Variants in CLIP3 observed in about 807,000 individuals in gnomAD.
The protein encoded by CLIP3 is CAP-Gly domain-containing linker protein 3.
CLIP3 carries 15 observed loss-of-function variants against 59.4 expected under a neutral mutation model. That is an observed-to-expected ratio of 0.25 (90% CI 0.17 to 0.39). The LOEUF is 0.39. Ranked by LOEUF, CLIP3 falls within the 10% of genes least tolerant of loss-of-function variation. The probability of loss-of-function intolerance (pLI) is 1.00; values close to 1 mark genes in which losing one functional copy is unlikely to be tolerated. For synonymous variants in CLIP3, 300 were observed against 321.6 expected, an observed-to-expected ratio of 0.93 and a Z score of 0.72; for missense variants, 495 against 765.7, an observed-to-expected ratio of 0.65 and a Z score of 4.17.
chr19:36,024,518 C>T lies in CLIP3; in HGVS notation c.796G>A (p.Val266Met). The part of the protein sequence containing the change: ...KELRTLLEEA[V>M]PLSCALPKVT... ...TTGGGGAGGGCGCAAGATAGTGGCA[C>T]TGCCTCTTCCAGAAGCGTCCGCAGC... Residue 266 changes from valine (V) to methionine (M), a missense_variant, in exon 7 of 14, where the codon GTG (valine) becomes ATG (methionine). Around this residue, in one of 5 missense-constraint regions of CLIP3, gnomAD observed 194 missense variants for 327.8 expected, o/e 0.59. Coordinates refer to ENST00000360535, the MANE Select transcript of CLIP3 (RefSeq NM_015526.3). The T allele has an allele frequency of 1.2e-6, 2 of 1,614,262 alleles. No homozygotes were observed. Among genetic ancestry groups the T allele is most frequent in the South Asian group, 1.1e-5 (1 of 91,092 alleles).
intron 7 of CLIP3, among the ~76,000 whole-genome samples, chr19:36,019,608 T>A (rs920138944): frequency 7.0e-5 from 8 of 113,922 alleles, no homozygotes; most frequent in African/African-American, 2.1e-4. Context: ...ATTTTATTTA[T>A]TTTTTTTTTT....
intron 2 of CLIP3, among the ~76,000 whole-genome samples, chr19:36,029,508 C>T (rs1969203952): frequency 6.6e-6 from 1 of 151,354 alleles, no homozygotes; most frequent in South Asian, 2.1e-4. Context: ...TGGTCTCGAA[C>T]TCCTGGGCTC....
intron 7 of CLIP3, among the ~76,000 whole-genome samples, chr19:36,023,962 G>A (rs1969020977): frequency 6.6e-6 from 1 of 152,106 alleles, no homozygotes; most frequent in African/African-American, 2.4e-5. Flanking sequence ...TCCCTGGCTT[G>A]CTCCTCCACA....
chr19:36,024,366 A>C, intron 7 of CLIP3, 30 bp downstream of exon 7: 340 of 1,449,516 alleles, frequency 2.3e-4, no homozygotes, highest in Non-Finnish European at 2.9e-4. Flanking sequence ...ACCCCCACCC[A>C]CCATGCAAAC....
chr19:36,019,415 AC>A, intron 7 of CLIP3, 109 bp from the exon 8 acceptor site: 1 of 1,308,066 alleles, frequency 7.6e-7, no homozygotes, highest in Non-Finnish European at 1.1e-6. Flanking sequence ...CTGGGCCCAA[AC>A]CCCAGGTCAC....
rs1289208687 is a variant in CLIP3 at position 36,016,344 on chromosome 19, T to A, written c.1590-132A>T. The A allele has an allele frequency of 1.7e-5, 16 of 942,084 alleles. No homozygotes were observed. Among genetic ancestry groups the A allele is most frequent in the Non-Finnish European group, 2.5e-5 (15 of 608,710 alleles). 58.4% of individuals were successfully genotyped at this position (942,084 alleles called of 1,614,324 possible). A position where few individuals can be genotyped will look rare whatever the true frequency, so the allele number is the denominator to read the frequency against. On this transcript the variant is annotated intron_variant, in intron 13 of 13. Coordinates refer to ENST00000360535, the MANE Select transcript of CLIP3 (RefSeq NM_015526.3). This position sits in a 1 kb window ranked among gnomAD's most constrained non-coding sequence, Gnocchi z 4.1. ...TCTGCCTCTACCTCTCTGGCTGTGGTTTGTTTGTTTGTTTGTTTTCTGAGA... is the reference window on the plus strand; with the variant it reads ...TCTGCCTCTACCTCTCTGGCTGTGGATTGTTTGTTTGTTTGTTTTCTGAGA...
rs1449353521 is a variant in CLIP3 at position 36,027,197 on chromosome 19, G to A, written c.241C>T (p.Leu81=). The A allele has an allele frequency of 1.2e-6, 2 of 1,613,836 alleles. No homozygotes were observed. The highest frequency in any genetic ancestry group is 2.7e-5 in the African/African-American group (2 of 74,918). ...ACCCACTGGCGCACAATGGCAAACA[G>A]CTCGGGGATGGTGGTCTGAGGGTCA... ...LFDPQTTIPE[L]FAIVRQWVPQ... is the part of the protein sequence containing the mutation. The change falls in exon 3 of 14, where the codon CTG becomes TTG. Residue 81 remains leucine, a synonymous_variant. Transcript: ENST00000360535.
In CLIP3 at chr19:36,023,439, C is replaced by G. The variant is rs150007086; in HGVS notation, c.918+957G>C. The stretch of plus-strand genomic sequence containing the variant: ...AAGTTCTTTCCTATCTCAGTTTGGA[C>G]ATCACCTCCTCAGAGAAGCCTTCTC... On this transcript the variant is annotated intron_variant, in intron 7 of 13. Coordinates refer to ENST00000360535, the MANE Select transcript of CLIP3 (RefSeq NM_015526.3). Among the ~76,000 whole-genome samples, 33 of 152,318 alleles carry G rather than the reference C, an allele frequency of 2.2e-4. No individual in the cohort carries two copies. The East Asian group carries it at 5.6e-3, about 26-fold the overall frequency.
At position 36,019,001 on chromosome 19, in the gene CLIP3, G is replaced by T; in HGVS notation, c.1080C>A (p.Ile360=). 1.3e-6 allele frequency: 2 copies of T among 1,596,212 alleles called. No individual in the cohort carries two copies. Among genetic ancestry groups the T allele is most frequent in the Non-Finnish European group, 1.7e-6 (2 of 1,170,510 alleles). The change falls in exon 9 of 14, where the codon ATC becomes ATA. Residue 360 remains isoleucine (I), a synonymous_variant. Transcript: ENST00000360535. ...KQGLFASVSK[I]SKAVDAPPSS... is the part of the protein sequence containing the mutation. ...AGGGGGGTGCGTCCACTGCCTTGGAGATCTTGGACACGGAGGCAAAGAGAC... is the reference window on the plus strand; with the variant it reads ...AGGGGGGTGCGTCCACTGCCTTGGATATCTTGGACACGGAGGCAAAGAGAC...
chr19:36,022,564 G>A (rs1373886950), intron 7 of CLIP3, among the ~76,000 whole-genome samples: 1 of 152,190 alleles, frequency 6.6e-6, no homozygotes, highest in Non-Finnish European at 1.5e-5. Flanking sequence ...AAAATGGGAA[G>A]AGTCAACCCA....
chr19:36,016,909 G>A lies in CLIP3; in HGVS notation c.1587C>T (p.Ser529=). The A allele has an allele frequency of 6.2e-7, 1 of 1,613,834 alleles. No homozygotes were observed. The highest frequency in any genetic ancestry group is 8.5e-7 in the Non-Finnish European group (1 of 1,179,882). The change falls in exon 13 of 14, where the codon TCC becomes TCT. Residue 529 remains serine (S), a splice_region_variant and synonymous_variant. Transcript: ENST00000360535. The surrounding 1 kb of genome is among the most constrained non-coding windows in gnomAD (Gnocchi z 4.1). ...GGGGACAGGGGTTGGCCACACACCT[G>A]GAAATGGAGTTCTCTGATGCAATGT... The part of the protein sequence containing the change: ...PKDIASENSI[S]RLLFCCWFPW...
At position 36,016,325 on chromosome 19, in the gene CLIP3, T is replaced by C; in HGVS notation, c.1590-113A>G. Reference sequence around the variant, plus strand: ...CTATCAGGCCTTTCTGGATTCTGCCTCTACCTCTCTGGCTGTGGTTTGTTT... The same window carrying C: ...CTATCAGGCCTTTCTGGATTCTGCCCCTACCTCTCTGGCTGTGGTTTGTTT... On this transcript the variant is annotated intron_variant, in intron 13 of 13. Coordinates refer to ENST00000360535, the MANE Select transcript of CLIP3 (RefSeq NM_015526.3). This position sits in a 1 kb window ranked among gnomAD's most constrained non-coding sequence, Gnocchi z 4.1. The C allele has an allele frequency of 8.6e-7, 1 of 1,161,084 alleles. No individual in the cohort carries two copies. Among genetic ancestry groups the C allele is most frequent in the South Asian group, 1.3e-5 (1 of 77,750 alleles). The allele number at this position is 1,161,084 out of a possible 1,614,324, so 71.9% of individuals were successfully genotyped here.
chr19:36,032,460 G>T lies in CLIP3; in HGVS notation c.-58-45C>A. The T allele has an allele frequency of 3.9e-6, 2 of 509,010 alleles. No homozygotes were observed. The highest frequency in any genetic ancestry group is 6.2e-6 in the Non-Finnish European group (2 of 324,488). The allele number at this position is 509,010 out of a possible 1,614,324, so 31.5% of individuals were successfully genotyped here. A position where few individuals can be genotyped will look rare whatever the true frequency, so the allele number is the denominator to read the frequency against. ...GGAGAGGGTGCCCGGCAGGCTCCAG[G>T]GTCCAAGCCCCTAGGAGCTTCCAGG... On this transcript the variant is annotated intron_variant, in intron 1 of 13. Transcript: ENST00000360535. The surrounding 1 kb of genome is among the most constrained non-coding windows in gnomAD (Gnocchi z 4.3).
At chr19:36,029,691 A>G (rs2145410756) in intron 2 of CLIP3, among the ~76,000 whole-genome samples, 1 of 151,990 alleles carries the variant, frequency 6.6e-6, no homozygotes, top group Middle Eastern at 3.4e-3. Flanking sequence ...TAGGATCTAA[A>G]TGCTATGATT....
At chr19:36,031,008 C>CTTTTTTTTTTTTTTTTTTTTTTTTTTT (rs374690845) in intron 2 of CLIP3, among the ~76,000 whole-genome samples, 222 of 77,836 alleles carry the variant, frequency 2.9e-3, no homozygotes, top group Non-Finnish European at 3.4e-3. Context: ...TTTTTCTTTT[C>CTTTTTTTTTTTTTTTTTTTTTTTTTTT]TTTTTTTTTT....
At chr19:36,030,658 C>T (rs1969229833) in intron 2 of CLIP3, among the ~76,000 whole-genome samples, 1 of 152,232 alleles carries the variant, frequency 6.6e-6, no homozygotes, top group South Asian at 2.1e-4. Flanking sequence ...CCACTCTTCT[C>T]CCCTGTCCCA....
At chr19:36,017,116 G>A (rs1009786742) in intron 12 of CLIP3, 137 bp from the exon 13 acceptor site, 2 of 936,190 alleles carry the variant, frequency 2.1e-6, no homozygotes, top group Non-Finnish European at 3.4e-6. Flanking sequence ...ATACCCATCT[G>A]GGCCTCTTGT....
At chr19:36,025,998 G>C (rs1159442184) in intron 6 of CLIP3, 149 bp downstream of exon 6, 4 of 633,658 alleles carry the variant, frequency 6.3e-6, no homozygotes, top group Non-Finnish European at 1.2e-5. Flanking sequence ...ATGAACACTA[G>C]GCATATTTCA....
intron 7 of CLIP3, among the ~76,000 whole-genome samples, chr19:36,019,927 C>G (rs1018902085): frequency 6.6e-6 from 1 of 151,788 alleles, no homozygotes; most frequent in Non-Finnish European, 1.5e-5. Context: ...AAACTAAGGC[C>G]GGGTGTGGTG....
Sources: allele counts gnomAD v4.1 joint callset (sites outside exome capture counted in the v4.1 genomes callset), GRCh38; gene constraint gnomAD v4.1.1; regional missense constraint gnomAD v4.1.1; non-coding constraint Gnocchi (gnomAD v3.1); transcripts MANE v1.5; gene names NCBI Gene and HGNC (gene_info 2026-07-23, HGNC 2026-07-21).